LHFPL6: variants seen among roughly 807,000 people sequenced by gnomAD.
LHFPL6 encodes LHFPL tetraspan subfamily member 6.
In LHFPL6, 9 loss-of-function variants were observed where a neutral mutation model predicts 20.6. That is an observed-to-expected ratio of 0.44 (90% CI 0.26 to 0.76). The LOEUF is 0.76. Among genes scored for constraint, LHFPL6 ranks in the 30% least tolerant of loss-of-function variants. LHFPL6 has a pLI of 0.20. For missense variants in LHFPL6, 218 were observed against 253.5 expected (o/e 0.86, Z 0.95); for synonymous variants, 105 against 98.7 (o/e 1.06, Z -0.38).
At chr13:39,355,336 C>A (rs1019272468) in intron 3 of LHFPL6, among the ~76,000 whole-genome samples, 6 of 152,016 alleles carry the variant, frequency 3.9e-5, no homozygotes, top group Non-Finnish European at 7.4e-5. Context: ...CTTAGTGAAG[C>A]AAATGCTAAA....
intron 2 of LHFPL6, among the ~76,000 whole-genome samples, chr13:39,435,062 C>CAAAAAAAAA (rs55701240): frequency 9.4e-5 from 5 of 53,364 alleles, no homozygotes; most frequent in South Asian, 1.3e-3. Flanking sequence ...GACTCCGTCT[C>CAAAAAAAAA]AAAAAAAAAA....
intron 2 of LHFPL6, among the ~76,000 whole-genome samples, chr13:39,402,353 T>G (rs1319309268): frequency 1.3e-5 from 2 of 152,056 alleles, no homozygotes; most frequent in Admixed American, 1.3e-4. Context: ...GCCTACTGAG[T>G]GGCTGGGACT....
At chr13:39,592,491 A>T (rs914331865) in intron 2 of LHFPL6, among the ~76,000 whole-genome samples, 2 of 152,184 alleles carry the variant, frequency 1.3e-5, no homozygotes, top group African/African-American at 2.4e-5. Flanking sequence ...TAGCTTACCA[A>T]CCAAAAAAAG....
intron 2 of LHFPL6, among the ~76,000 whole-genome samples, chr13:39,458,384 G>A (rs987402954): frequency 2.7e-4 from 41 of 152,138 alleles, no homozygotes; most frequent in African/African-American, 9.7e-4. Context: ...AGAGATGTGA[G>A]AAAGAATGTT....
chr13:39,596,245 C>T (rs1051252673), intron 2 of LHFPL6, among the ~76,000 whole-genome samples: 2 of 152,098 alleles, frequency 1.3e-5, no homozygotes. Flanking sequence ...TACCAAACTA[C>T]AGCAGCAGAC....
At chr13:39,415,600 C>G (rs1871328127) in intron 2 of LHFPL6, among the ~76,000 whole-genome samples, 1 of 152,142 alleles carries the variant, frequency 6.6e-6, no homozygotes, top group African/African-American at 2.4e-5. Context: ...ATCCCGGTGC[C>G]CCACCAGACT....
At chr13:39,404,029 C>G (rs1444663010) in intron 2 of LHFPL6, among the ~76,000 whole-genome samples, 2 of 152,170 alleles carry the variant, frequency 1.3e-5, no homozygotes, top group African/African-American at 4.8e-5. Context: ...AAGGCAAGGT[C>G]AACTTACCTG....
chr13:39,386,197 T>C (rs1870559135), intron 2 of LHFPL6, among the ~76,000 whole-genome samples: 1 of 152,234 alleles, frequency 6.6e-6, no homozygotes, highest in Non-Finnish European at 1.5e-5. Flanking sequence ...AAATTCTCCA[T>C]ATGCTAATTG....
intron 2 of LHFPL6, among the ~76,000 whole-genome samples, chr13:39,564,376 G>A (rs373089373): frequency 1.3e-5 from 2 of 152,132 alleles, no homozygotes; most frequent in Admixed American, 6.5e-5. Context: ...ATATGTATGT[G>A]CTCTCTATCT....
chr13:39,357,456 T>A (rs1374693543), intron 3 of LHFPL6, among the ~76,000 whole-genome samples: 1 of 152,106 alleles, frequency 6.6e-6, no homozygotes, highest in Non-Finnish European at 1.5e-5. Context: ...GACGCCAACT[T>A]TCACCACTCC....
At chr13:39,568,229 A>G (rs185012372) in intron 2 of LHFPL6, among the ~76,000 whole-genome samples, 1 of 152,310 alleles carries the variant, frequency 6.6e-6, no homozygotes, top group East Asian at 1.9e-4. Context: ...AGGAAATACT[A>G]CTTCTTACAA....
intron 3 of LHFPL6, among the ~76,000 whole-genome samples, chr13:39,373,529 T>C (rs1299981315): frequency 1.3e-5 from 2 of 152,146 alleles, no homozygotes; most frequent in African/African-American, 2.4e-5. Flanking sequence ...AACAAGAAAA[T>C]TGTAGTATTT....
chr13:39,589,427 T>A (rs1257670280), intron 2 of LHFPL6, among the ~76,000 whole-genome samples: 3 of 152,064 alleles, frequency 2.0e-5, no homozygotes, highest in South Asian at 4.1e-4. Flanking sequence ...GAAAATTTTT[T>A]AAAAACTAGA....
At chr13:39,408,602 A>G (rs1033681960) in intron 2 of LHFPL6, among the ~76,000 whole-genome samples, 2 of 152,250 alleles carry the variant, frequency 1.3e-5, no homozygotes, top group African/African-American at 4.8e-5. Context: ...GCTTTCCTAT[A>G]TTTTGTACCA....
At chr13:39,457,629 C>A (rs148044863) in intron 2 of LHFPL6, among the ~76,000 whole-genome samples, 1 of 152,214 alleles carries the variant, frequency 6.6e-6, no homozygotes, top group East Asian at 1.9e-4. Context: ...TTCCTGTTTG[C>A]GCAAAGGCAA....
chr13:39,352,990 A>ATATAAT (rs1263177836), intron 3 of LHFPL6, among the ~76,000 whole-genome samples: 5 of 84,272 alleles, frequency 5.9e-5, no homozygotes, highest in African/African-American at 2.0e-4. Flanking sequence ...TATATATATA[A>ATATAAT]TTTTTTTTTT....
intron 2 of LHFPL6, among the ~76,000 whole-genome samples, chr13:39,594,115 C>T (rs913243698): frequency 3.1e-4 from 47 of 152,186 alleles, no homozygotes; most frequent in Middle Eastern, 3.4e-3. Flanking sequence ...AATTGACAAA[C>T]GGGATCTAAT....
At chr13:39,583,220 C>G (rs577648116) in intron 2 of LHFPL6, among the ~76,000 whole-genome samples, 38 of 138,034 alleles carry the variant, frequency 2.8e-4, no homozygotes, top group African/African-American at 1.0e-3. Flanking sequence ...GTCACCCAGG[C>G]TGGAGTGCAG....
chr13:39,368,290 A>AAG (rs1164479059), intron 3 of LHFPL6, among the ~76,000 whole-genome samples: 32 of 148,672 alleles, frequency 2.2e-4, no homozygotes, highest in Non-Finnish European at 4.2e-4. Context: ...GTGGAGGAAA[A>AAG]AAAAAAATAC....
Sources: allele counts gnomAD v4.1 joint callset (sites outside exome capture counted in the v4.1 genomes callset), GRCh38; gene constraint gnomAD v4.1.1; transcripts MANE v1.5; gene names NCBI Gene and HGNC (gene_info 2026-07-23, HGNC 2026-07-21).